MTO1: variants seen among roughly 807,000 people sequenced by gnomAD.
MTO1 encodes the protein mitochondrial tRNA translation optimization 1.
MTO1 carries 46 observed loss-of-function variants against 71.6 expected under a neutral mutation model. The ratio of observed to expected loss-of-function variants is 0.64; its 90% confidence interval spans 0.51 to 0.82. The LOEUF is 0.82. Among genes scored for constraint, MTO1 ranks in the 40% least tolerant of loss-of-function variants. The probability of loss-of-function intolerance (pLI) is 0.00; values close to 1 mark genes in which losing one functional copy is unlikely to be tolerated. For synonymous variants in MTO1, 297 were observed against 312.1 expected, an observed-to-expected ratio of 0.95 and a Z score of 0.51; for missense variants, 773 against 867.5, an observed-to-expected ratio of 0.89 and a Z score of 1.37.
Position 73,461,830 on chromosome 6 carries a change from A to C in MTO1, c.-25A>C. 1 of 1,603,522 alleles carries C rather than the reference A, an allele frequency of 6.2e-7. No individual in the cohort carries two copies. On this transcript the variant is annotated 5_prime_UTR_variant, in exon 1 of 12. Coordinates refer to ENST00000498286, the MANE Select transcript of MTO1 (RefSeq NM_012123.4). ...TTGACCGTCACTCGTGTCAGCTTCAAAGTCAGATAGATTTTTCTCCCAGCA... is the reference window on the plus strand; with the variant it reads ...TTGACCGTCACTCGTGTCAGCTTCACAGTCAGATAGATTTTTCTCCCAGCA...
intron 6 of MTO1, chr6:73,480,401 A>G: frequency 1.6e-6 from 1 of 635,942 alleles, no homozygotes; most frequent in Non-Finnish European, 2.9e-6. Context: ...CTCCTGAGTA[A>G]CTGGGATTAC....
rs745938984 is a variant in MTO1, at chr6:73,497,891, C to T, written c.1912C>T (p.Gln638Ter). The change falls in exon 11 of 12, where the codon CAG becomes TAG. Residue 638 changes from glutamine (Q) to a stop codon, truncating the protein, a stop_gained. Transcript: ENST00000498286. LOFTEE classifies it high-confidence loss of function. ...VREKLHFSRP[Q>*]TIGAASRIPG... ...AGAGAAACTACATTTTAGTCGTCCA[C>T]AGACGGTAAGAAAATAGGCAGGAGA... 6.2e-7 allele frequency: 1 copy of T among 1,607,604 alleles called. No homozygotes were observed. The highest frequency in any genetic ancestry group is 1.3e-5 in the African/African-American group (1 of 74,898).
At chr6:73,468,108 C>T (rs139774658) in intron 3 of MTO1, among the ~76,000 whole-genome samples, 1,617 of 151,952 alleles carry the variant, frequency 0.011, 25 homozygotes, top group African/African-American at 0.037. Context: ...TGTGAGCCAC[C>T]GCACCCAGCC....
chr6:73,469,962 GC>G lies in MTO1; in HGVS notation c.535+3358del, dbSNP rs1412073666. ...GCGGGTTGTGGTAAGCCGTGATAGT[GC>G]CACTGCACTCCAGCCTGGTAACGAG... is the stretch of plus-strand genomic sequence containing the variant. On this transcript the variant is annotated intron_variant, in intron 3 of 11. Transcript: ENST00000498286. 2.0e-5 allele frequency among the ~76,000 whole-genome samples: 3 copies of G among 152,200 alleles called. No homozygotes were observed. The South Asian group carries it at 6.2e-4, about 32-fold the overall frequency.
At chr6:73,462,366 C>G in intron 1 of MTO1, 1 of 433,322 alleles carries the variant, frequency 2.3e-6, no homozygotes, top group Non-Finnish European at 4.2e-6. Flanking sequence ...TCGCTGGTAG[C>G]TTCTTAGTTC....
In MTO1 at chr6:73,473,361, T is replaced by G. The variant is rs1771207497; in HGVS notation, c.536-4T>G. On this transcript the variant is annotated splice_region_variant and splice_polypyrimidine_tract_variant and intron_variant, in intron 3 of 11. Coordinates refer to ENST00000498286, the MANE Select transcript of MTO1 (RefSeq NM_012123.4). Reference sequence around the variant, plus strand: ...TGACTTTATTCTTTTTTCTTGTTATTTAGTGGATGGAAGCACAGTATATGC... The same window carrying G: ...TGACTTTATTCTTTTTTCTTGTTATGTAGTGGATGGAAGCACAGTATATGC... 1.9e-6 allele frequency: 3 copies of G among 1,597,516 alleles called. No individual in the cohort carries two copies. The Admixed American group carries it at 5.3e-5, about 28-fold the overall frequency.
At chr6:73,468,362 G>T (rs1056289531) in intron 3 of MTO1, among the ~76,000 whole-genome samples, 3 of 151,872 alleles carry the variant, frequency 2.0e-5, no homozygotes, top group Admixed American at 6.6e-5. Context: ...CAAGCGATCC[G>T]CCCACCTCAG....
intron 4 of MTO1, among the ~76,000 whole-genome samples, chr6:73,476,221 A>T (rs1206627516): frequency 6.6e-6 from 1 of 151,710 alleles, no homozygotes; most frequent in Admixed American, 6.6e-5. Flanking sequence ...AAAAAATAAA[A>T]AAATTAGCCA....
chr6:73,475,049 C>T (rs982389439), intron 4 of MTO1, among the ~76,000 whole-genome samples: 1 of 152,130 alleles, frequency 6.6e-6, no homozygotes, highest in South Asian at 2.1e-4. Flanking sequence ...GCCACCGTGC[C>T]TGGCAAATCT....
At chr6:73,493,581 G>T (rs1771891124) in intron 10 of MTO1, among the ~76,000 whole-genome samples, 1 of 151,592 alleles carries the variant, frequency 6.6e-6, no homozygotes. Context: ...AGTAGAGACA[G>T]GGTTTCATCA....
chr6:73,476,498 G>A (rs911328222), intron 4 of MTO1, among the ~76,000 whole-genome samples: 1 of 151,674 alleles, frequency 6.6e-6, no homozygotes, highest in East Asian at 1.9e-4. Context: ...TTTTCTCAAT[G>A]TAAGAGTTTT....
At position 73,482,194 on chromosome 6, in the gene MTO1, TC is replaced by T; in HGVS notation, c.1417del (p.Arg473ValfsTer35). 1 of 1,614,140 alleles carries T rather than the reference TC, an allele frequency of 6.2e-7. No individual in the cohort carries two copies. Among genetic ancestry groups the T allele is most frequent in the Non-Finnish European group, 8.5e-7 (1 of 1,180,028 alleles). ...CGCATGTTTACCAGCCGAGTAGAGT[TC>T]CGTTTGTCACTGCGCCCTGATAATG... ...PYRMFTSRVE[F>X]RLSLRPDNAD... On this transcript the variant is annotated frameshift_variant, in exon 8 of 12. Transcript: ENST00000498286. LOFTEE classifies it high-confidence loss of function.
intron 11 of MTO1, among the ~76,000 whole-genome samples, chr6:73,499,713 G>A (rs994515957): frequency 4.6e-5 from 7 of 152,082 alleles, no homozygotes; most frequent in African/African-American, 1.7e-4. Context: ...CTGGTCATAG[G>A]AGTTCAGAAC....
chr6:73,470,659 G>T (rs1771133969), intron 3 of MTO1, among the ~76,000 whole-genome samples: 1 of 152,078 alleles, frequency 6.6e-6, no homozygotes, highest in Non-Finnish European at 1.5e-5. Flanking sequence ...TGTCTTAGCT[G>T]GGCATTATGG....
intron 1 of MTO1, 68 bp downstream of exon 1, chr6:73,462,139 C>G: frequency 6.6e-7 from 1 of 1,519,558 alleles, no homozygotes; most frequent in South Asian, 1.1e-5. Flanking sequence ...CTCCCCCGGT[C>G]TGAAGCGGGG....
chr6:73,493,243 C>A (rs1399930005), intron 10 of MTO1, among the ~76,000 whole-genome samples: 1 of 151,592 alleles, frequency 6.6e-6, no homozygotes, highest in Non-Finnish European at 1.5e-5. Context: ...ATCTGCCTGC[C>A]TCGGCCTCCC....
rs1301860811 is a variant in MTO1 at position 73,480,240 on chromosome 6, A to G, written c.1129+114A>G. ...AGAGCCTCAGAAGATGAAGCCCAAC[A>G]CCTATACATTTTAAATAGTCTGTTT... On this transcript the variant is annotated intron_variant, in intron 6 of 11. Transcript: ENST00000498286. 4.0e-6 allele frequency: 4 copies of G among 1,006,002 alleles called. No individual in the cohort carries two copies. The Admixed American group carries it at 7.8e-5, about 20-fold the overall frequency. The allele number at this position is 1,006,002 out of a possible 1,614,324, so 62.3% of individuals were successfully genotyped here. A position where few individuals can be genotyped will look rare whatever the true frequency, so the allele number is the denominator to read the frequency against.
At chr6:73,495,883 G>A (rs1222655732) in intron 10 of MTO1, among the ~76,000 whole-genome samples, 1 of 151,994 alleles carries the variant, frequency 6.6e-6, no homozygotes, top group East Asian at 1.9e-4. Context: ...TATTTCATTT[G>A]ATACTTAGAA....
rs184313884 is a variant in MTO1 at position 73,500,202 on chromosome 6, A to G, written c.1918-372A>G. Among the ~76,000 whole-genome samples the G allele has an allele frequency of 1.2e-3, 188 of 152,142 alleles. 2 individuals carry two copies. The highest frequency in any genetic ancestry group is 2.1e-4 in the South Asian group (1 of 4,816). The stretch of plus-strand genomic sequence containing the variant: ...TTTTCTGTAGAGACAGAGTCCCACT[A>G]TTTTTCCCAGGCTGGCCTCAAGAAT... On this transcript the variant is annotated intron_variant, in intron 11 of 11. Coordinates refer to ENST00000498286, the MANE Select transcript of MTO1 (RefSeq NM_012123.4).
Sources: allele counts gnomAD v4.1 joint callset (sites outside exome capture counted in the v4.1 genomes callset), GRCh38; gene constraint gnomAD v4.1.1; transcripts MANE v1.5; gene names NCBI Gene and HGNC (gene_info 2026-07-23, HGNC 2026-07-21).